Variants in GPR108 observed in about 807,000 individuals in gnomAD.
The protein encoded by GPR108 is G protein-coupled receptor 108, also known as protein GPR108.
A neutral mutation model predicts 74.3 loss-of-function variants in GPR108; 60 were observed. The observed-to-expected ratio is 0.81, with a 90% CI of 0.66 to 1.00. The LOEUF is 1.00. Among genes scored for constraint, GPR108 ranks in the 50% least tolerant of loss-of-function variants. The pLI is 0.00. For missense variants in GPR108, 667 were observed against 703.3 expected, an observed-to-expected ratio of 0.95 and a Z score of 0.58; for synonymous variants, 311 against 292.4, an observed-to-expected ratio of 1.06 and a Z score of -0.65.
rs1037456090 is a variant in GPR108 at position 6,736,604 on chromosome 19, C to A, written c.228G>T (p.Glu76Asp). 6.2e-7 allele frequency: 1 copy of A among 1,613,952 alleles called. No homozygotes were observed. The highest frequency in any genetic ancestry group is 8.5e-7 in the Non-Finnish European group (1 of 1,179,932). Residue 76 changes from glutamate to aspartate, a missense_variant, in exon 2 of 18, where the codon GAG (glutamate) becomes GAT (aspartate). Coordinates refer to ENST00000264080, the MANE Select transcript of GPR108 (RefSeq NM_001080452.2). ...CAAGGTCCCTCACCAGCAGGGACTT[C>A]TCTTCTGCCTCCCGGAGGCCCAGCC... ...VLRLGLREAE[E>D]KSLLVGFSLS...
In GPR108 at chr19:6,732,063, G is replaced by A. The variant is rs1033496130; in HGVS notation, c.1218C>T (p.Asp406=). 1 of 1,613,954 alleles carries A rather than the reference G, an allele frequency of 6.2e-7. No homozygotes were observed. The highest frequency in any genetic ancestry group is 1.1e-5 in the South Asian group (1 of 91,080). ...VLWKEILFLV[D]LICCGAILFP... ...ACAGGATGGCACCACAGCAGATGAG[G>A]TCCACCAGGAACAAAATCTCCTTCC... The change falls in exon 13 of 18, where the codon GAC becomes GAT. Residue 406 remains aspartate, a synonymous_variant. Transcript: ENST00000264080.
In GPR108 at chr19:6,737,464, G is replaced by A. The variant is rs532503814; in HGVS notation, c.113C>T (p.Ala38Val). Residue 38 changes from alanine (A) to valine (V), a missense_variant, in exon 1 of 18, where the codon GCG (alanine) becomes GTG (valine). Coordinates refer to ENST00000264080, the MANE Select transcript of GPR108 (RefSeq NM_001080452.2). ...TCGCGCGGCGGGCCTCACCGTCAGC[G>A]CCAGCTGGTGGATGCGCCCGGAGCA... ...GGCSGRIHQL[A>V]LTGEKRADIQ... 1.1e-5 allele frequency: 17 copies of A among 1,585,142 alleles called. No individual in the cohort carries two copies. In the South Asian group the frequency reaches 1.1e-4, roughly 10 times the overall value.
At chr19:6,733,941 T>C in intron 6 of GPR108, 28 bp from the exon 7 acceptor site, 1 of 1,614,130 alleles carries the variant, frequency 6.2e-7, no homozygotes, top group Non-Finnish European at 8.5e-7. Flanking sequence ...CTCCATCAGC[T>C]GGTTCTGGGT....
At chr19:6,734,359 G>C (rs1042645285) in intron 4 of GPR108, 52 bp from the exon 5 acceptor site, 23 of 1,586,642 alleles carry the variant, frequency 1.4e-5, no homozygotes, top group Non-Finnish European at 2.0e-5. Flanking sequence ...ACTTGGCTCA[G>C]GCACCGGCAA....
At position 6,731,218 on chromosome 19, in the gene GPR108, T is replaced by C. The variant is rs761588015; in HGVS notation, c.1415A>G (p.Gln472Arg). ...AILLQVAVPF[Q>R]WQWLYQLLVE... ...GCTCACCTGGTACAGCCACTGCCACTGAAAGGGCACAGCCACCTGCAGCAG... is the reference window on the plus strand; with the variant it reads ...GCTCACCTGGTACAGCCACTGCCACCGAAAGGGCACAGCCACCTGCAGCAG... Residue 472 changes from glutamine to arginine, a missense_variant, in exon 16 of 18, where the codon CAG becomes CGG. By Grantham distance (43) the Gln-to-Arg change is conservative. Coordinates refer to ENST00000264080, the MANE Select transcript of GPR108 (RefSeq NM_001080452.2). 25 of 1,576,986 alleles carry C rather than the reference T, an allele frequency of 1.6e-5. No individual in the cohort carries two copies. The highest frequency in any genetic ancestry group is 2.2e-5 in the Non-Finnish European group (25 of 1,158,770).
At position 6,732,390 on chromosome 19, in the gene GPR108, C is replaced by G. The variant is rs537386470; in HGVS notation, c.1008-10G>C. The G allele has an allele frequency of 4.2e-5, 67 of 1,613,048 alleles. 1 individual carries two copies. In the South Asian group the frequency reaches 6.7e-4, roughly 16 times the overall value. ...GAGGGCGCCCTTCAGCCTGAAGGAGCAGGGGAGGGCGTGATGATGAGGTGG... is the reference window on the plus strand; with the variant it reads ...GAGGGCGCCCTTCAGCCTGAAGGAGGAGGGGAGGGCGTGATGATGAGGTGG... On this transcript the variant is annotated splice_polypyrimidine_tract_variant and intron_variant, in intron 11 of 17. Coordinates refer to ENST00000264080, the MANE Select transcript of GPR108 (RefSeq NM_001080452.2).
rs753763166 is a variant in GPR108, at chr19:6,731,868, G to T, written c.1300+23C>A. On this transcript the variant is annotated intron_variant, in intron 14 of 17. Coordinates refer to ENST00000264080, the MANE Select transcript of GPR108 (RefSeq NM_001080452.2). The stretch of plus-strand genomic sequence containing the variant: ...AGGAGGAATGGGGCCATGAGCAGAG[G>T]GCCTGCAGGCGCAGGGCCTCACCCT... 5 of 1,610,760 alleles carry T rather than the reference G, an allele frequency of 3.1e-6. No homozygotes were observed. In the South Asian group the frequency reaches 4.4e-5, roughly 14 times the overall value.
chr19:6,730,689 A>C (rs1267217205), intron 17 of GPR108: 19 of 543,390 alleles, frequency 3.5e-5, no homozygotes, highest in South Asian at 1.4e-4. Flanking sequence ...TTCTACCCGA[A>C]CTACCTAGGC....
intron 6 of GPR108, 23 bp downstream of exon 6, chr19:6,733,982 C>T (rs748383164): frequency 1.2e-6 from 2 of 1,614,036 alleles, no homozygotes; most frequent in East Asian, 4.5e-5. Context: ...TGCATCTTCC[C>T]TCCTGCCCCG....
chr19:6,730,844 A>C (rs2279623), intron 17 of GPR108, 143 bp downstream of exon 17: 169,881 of 820,206 alleles, frequency 0.21, 18,816 homozygotes, highest in Non-Finnish European at 0.22. Context: ...TCTCCCCTCC[A>C]TCCCTTCTCA....
Position 6,730,378 on chromosome 19 carries a change from C to G in GPR108, c.1566G>C (p.Thr522=), listed in dbSNP as rs1227115740. Reference sequence around the variant, plus strand: ...AGAGGCCTTCCCGGAACCCAGAGTCCGTCATTCTGGGGGCAGACAGCGAGG... The same window carrying G: ...AGAGGCCTTCCCGGAACCCAGAGTCGGTCATTCTGGGGGCAGACAGCGAGG... ...EEDVQMEQVM[T]DSGFREGLSK... Residue 522 remains threonine, a synonymous_variant, in exon 18 of 18, where the codon ACG becomes ACC. Transcript: ENST00000264080. The G allele has an allele frequency of 1.9e-6, 3 of 1,612,844 alleles. No individual in the cohort carries two copies. Among genetic ancestry groups the G allele is most frequent in the Non-Finnish European group, 2.5e-6 (3 of 1,179,738 alleles).
At chr19:6,736,851 T>G in intron 1 of GPR108, 140 bp from the exon 2 acceptor site, 1 of 1,149,808 alleles carries the variant, frequency 8.7e-7, no homozygotes, top group Non-Finnish European at 1.2e-6. Context: ...AAGAGAAAGT[T>G]GAGAGGGACT....
intron 2 of GPR108, 49 bp downstream of exon 2, chr19:6,736,543 G>A (rs1018376476): frequency 3.2e-6 from 5 of 1,573,096 alleles, no homozygotes; most frequent in Non-Finnish European, 4.3e-6. Flanking sequence ...ACCCAGAACC[G>A]GGGGATTGCA....
intron 10 of GPR108, 35 bp downstream of exon 10, chr19:6,732,952 C>G (rs1349238192): frequency 8.4e-6 from 13 of 1,545,704 alleles, no homozygotes; most frequent in Non-Finnish European, 1.1e-5. Context: ...GCCTTTCAGC[C>G]CACCCCCCGC....
At chr19:6,735,414 T>A (rs916465866) in intron 4 of GPR108, 1 of 563,086 alleles carries the variant, frequency 1.8e-6, no homozygotes, top group East Asian at 3.0e-5. Flanking sequence ...CAACCCTCTG[T>A]ATCCGGGTCT....
chr19:6,734,848 CATTATTATTATTATTATTATTATT>C (rs111460609), intron 4 of GPR108, among the ~76,000 whole-genome samples: 1,620 of 139,714 alleles, frequency 0.012, 35 homozygotes, highest in African/African-American at 0.039. Context: ...GCCAGCCCTA[CATTATTATTATTATTATTATTATT>C]ATTATTATTA....
At chr19:6,735,984 G>A (rs1390837059) in intron 2 of GPR108, 26 bp from the exon 3 acceptor site, 5 of 1,593,434 alleles carry the variant, frequency 3.1e-6, no homozygotes, top group Non-Finnish European at 4.3e-6. Flanking sequence ...AAAAAGGGGA[G>A]GGTGTGAGGG....
At chr19:6,730,939 C>T in intron 17 of GPR108, 48 bp downstream of exon 17, 1 of 1,601,668 alleles carries the variant, frequency 6.2e-7, no homozygotes, top group East Asian at 2.2e-5. Flanking sequence ...TGCCCACCCC[C>T]TACTCCACCC....
At chr19:6,733,432 C>T (rs951358389) in intron 8 of GPR108, 131 bp from the exon 9 acceptor site, 11 of 1,289,186 alleles carry the variant, frequency 8.5e-6, no homozygotes, top group South Asian at 1.3e-5. Flanking sequence ...CTCAGTTGGC[C>T]CCGTCTCTCA....
Sources: allele counts gnomAD v4.1 joint callset (sites outside exome capture counted in the v4.1 genomes callset), GRCh38; gene constraint gnomAD v4.1.1; transcripts MANE v1.5; gene names NCBI Gene and HGNC (gene_info 2026-07-23, HGNC 2026-07-21).